The following RMST variants were observed in gnomAD, a reference collection of about 807,000 sequenced individuals.
RMST encodes the protein long intergenic non-protein coding RNA 54.
intron 5 of RMST, among the ~76,000 whole-genome samples, chr12:97,468,054 T>C (rs1277760001): frequency 6.6e-6 from 1 of 152,044 alleles, no homozygotes; most frequent in Admixed American, 6.5e-5. Flanking sequence ...AGGGGCCCTC[T>C]TAGATAGCTA....
chr12:97,482,807 A>T (rs1053422356), intron 5 of RMST, among the ~76,000 whole-genome samples: 4 of 140,320 alleles, frequency 2.9e-5, no homozygotes, highest in Admixed American at 1.4e-4. Flanking sequence ...TATTTATTAA[A>T]TAAATTTATA....
exon 12 of RMST, chr12:97,560,593 A>G (rs1884047697): frequency 6.6e-6 from 1 of 152,196 alleles, no homozygotes; most frequent in African/African-American, 2.4e-5. Context: ...TTATCTCACA[A>G]CCTCAGATGC....
At chr12:97,493,660 C>T (rs886812837) in intron 7 of RMST, among the ~76,000 whole-genome samples, 7 of 152,028 alleles carry the variant, frequency 4.6e-5, no homozygotes, top group Admixed American at 1.3e-4. Context: ...CGTCAGTTTC[C>T]AAGAAAAAGC....
intron 10 of RMST, among the ~76,000 whole-genome samples, chr12:97,504,754 T>A (rs1878485069): frequency 6.6e-6 from 1 of 152,232 alleles, no homozygotes; most frequent in Admixed American, 6.5e-5. Flanking sequence ...TTGTTTTCAC[T>A]ATACCTTGGC....
chr12:97,515,315 C>CA (rs1879817937), intron 10 of RMST, among the ~76,000 whole-genome samples: 2 of 151,618 alleles, frequency 1.3e-5, no homozygotes, highest in Admixed American at 6.6e-5. Context: ...TATTAAAAAT[C>CA]AAAAAACAAA....
chr12:97,516,498 C>T (rs1879950295), intron 10 of RMST, among the ~76,000 whole-genome samples: 1 of 152,020 alleles, frequency 6.6e-6, no homozygotes, highest in South Asian at 2.1e-4. Context: ...AAACTTGATT[C>T]AATGTACATT....
intron 11 of RMST, among the ~76,000 whole-genome samples, chr12:97,537,061 G>T (rs1356090172): frequency 6.6e-6 from 1 of 151,448 alleles, no homozygotes; most frequent in Non-Finnish European, 1.5e-5. Context: ...AATCAGAGAA[G>T]TTGAAGAATA....
intron 10 of RMST, among the ~76,000 whole-genome samples, chr12:97,500,551 A>G (rs1877974239): frequency 6.6e-6 from 1 of 152,218 alleles, no homozygotes; most frequent in Non-Finnish European, 1.5e-5. Flanking sequence ...TTGATCCTTA[A>G]ACCACTCTGT....
At chr12:97,550,195 C>T (rs987105864) in intron 11 of RMST, among the ~76,000 whole-genome samples, 1 of 152,078 alleles carries the variant, frequency 6.6e-6, no homozygotes, top group Non-Finnish European at 1.5e-5. Flanking sequence ...AGTTCGAGAC[C>T]AGGCTGACCA....
At chr12:97,499,223 C>T (rs1877794163) in intron 10 of RMST, among the ~76,000 whole-genome samples, 1 of 151,744 alleles carries the variant, frequency 6.6e-6, no homozygotes, top group Non-Finnish European at 1.5e-5. Context: ...TCCTAATATT[C>T]TTTATTTTTG....
intron 5 of RMST, among the ~76,000 whole-genome samples, chr12:97,471,112 A>G (rs996626605): frequency 6.6e-6 from 1 of 152,112 alleles, no homozygotes; most frequent in Non-Finnish European, 1.5e-5. Context: ...TTCATAGGAA[A>G]ATCCAGGTGG....
At chr12:97,544,980 C>A (rs533045486) in intron 11 of RMST, among the ~76,000 whole-genome samples, 1 of 152,182 alleles carries the variant, frequency 6.6e-6, no homozygotes, top group South Asian at 2.1e-4. Flanking sequence ...TAATAGGCAT[C>A]TATTATTTGT....
At chr12:97,556,722 A>G (rs1056515820) in intron 11 of RMST, among the ~76,000 whole-genome samples, 26 of 152,248 alleles carry the variant, frequency 1.7e-4, no homozygotes, top group African/African-American at 6.3e-4. Flanking sequence ...CTTGGAAGGC[A>G]TGTTCATGGG....
At chr12:97,538,558 A>G (rs1226820999) in intron 11 of RMST, among the ~76,000 whole-genome samples, 1 of 151,286 alleles carries the variant, frequency 6.6e-6, no homozygotes, top group African/African-American at 2.4e-5. Context: ...TGCTTAATGC[A>G]TAATAAGTCT....
chr12:97,482,621 T>G (rs1288334825), intron 5 of RMST, among the ~76,000 whole-genome samples: 1 of 146,652 alleles, frequency 6.8e-6, no homozygotes, highest in Non-Finnish European at 1.5e-5. Flanking sequence ...ATTATTTAAT[T>G]TATTTAATAT....
intron 5 of RMST, among the ~76,000 whole-genome samples, chr12:97,477,324 G>C (rs550703440): frequency 3.4e-4 from 52 of 152,220 alleles, no homozygotes; most frequent in African/African-American, 1.1e-3. Context: ...TTGATAATAG[G>C]CTTTTTCATG....
intron 11 of RMST, among the ~76,000 whole-genome samples, chr12:97,557,316 C>G (rs1384326048): frequency 1.3e-5 from 2 of 152,102 alleles, no homozygotes; most frequent in African/African-American, 4.8e-5. Flanking sequence ...AGTGGAGTTG[C>G]AGTACACCTG....
At chr12:97,493,985 G>C (rs777458400) in exon 8 of RMST, 1 of 152,212 alleles carries the variant, frequency 6.6e-6, no homozygotes, top group Admixed American at 6.5e-5. Context: ...GCCCTGTGCT[G>C]TTCTGTCTCT....
At chr12:97,478,879 C>G (rs932054374) in intron 5 of RMST, among the ~76,000 whole-genome samples, 3 of 152,086 alleles carry the variant, frequency 2.0e-5, no homozygotes, top group Non-Finnish European at 4.4e-5. Flanking sequence ...AGGACCAGGG[C>G]AAATTGCTCC....
Sources: allele counts gnomAD v4.1 joint callset (sites outside exome capture counted in the v4.1 genomes callset), GRCh38; gene constraint gnomAD v4.1.1; transcripts MANE v1.5; gene names NCBI Gene and HGNC (gene_info 2026-07-23, HGNC 2026-07-21).